CDKAL1: variants seen among roughly 807,000 people sequenced by gnomAD.
CDKAL1 encodes threonylcarbamoyladenosine tRNA methylthiotransferase.
A neutral mutation model predicts 68.2 loss-of-function variants in CDKAL1; 32 were observed. The observed-to-expected ratio is 0.47, with a 90% CI of 0.35 to 0.63. The LOEUF is 0.63. Among genes scored for constraint, CDKAL1 ranks in the 30% least tolerant of loss-of-function variants. The pLI is 0.00. For missense variants in CDKAL1, 606 were observed against 696.7 expected (o/e 0.87, Z 1.47); for synonymous variants, 234 against 244.3 (o/e 0.96, Z 0.39).
At chr6:21,068,156 T>C (rs1438303461) in intron 12 of CDKAL1, among the ~76,000 whole-genome samples, 1 of 152,216 alleles carries the variant, frequency 6.6e-6, no homozygotes, top group Non-Finnish European at 1.5e-5. Context: ...TCTTCTTCCA[T>C]TCTGTAACCT....
intron 11 of CDKAL1, among the ~76,000 whole-genome samples, chr6:21,042,379 G>A (rs566944300): frequency 1.3e-5 from 2 of 151,992 alleles, no homozygotes; most frequent in South Asian, 2.1e-4. Flanking sequence ...TGGATGTAAC[G>A]TGGTCCCTGC....
chr6:21,069,770 C>CTTTTTTTTTTTTTTTTTTTTTTTTTT lies in CDKAL1; in HGVS notation c.1236+4545_1236+4546insTTTTTTTTTTTTTTTTTTTTTTTTTT, dbSNP rs1771654458. 4.7e-5 allele frequency among the ~76,000 whole-genome samples: 2 copies of CTTTTTTTTTTTTTTTTTTTTTTTTTT among 42,254 alleles called. 1 individual carries two copies. Among genetic ancestry groups the CTTTTTTTTTTTTTTTTTTTTTTTTTT allele is most frequent in the Non-Finnish European group, 1.2e-4 (2 of 17,372 alleles). 27.7% of individuals were successfully genotyped at this position (42,254 alleles called of 152,430 possible). ...TGCCCAATAAAATCCCCCAGATTTT[C>CTTTTTTTTTTTTTTTTTTTTTTTTTT]TTTCTTTTTTTTTTTTTTTTTTTTT... On this transcript the variant is annotated intron_variant, in intron 12 of 15. Transcript: ENST00000274695.
intron 13 of CDKAL1, among the ~76,000 whole-genome samples, chr6:21,179,061 C>T (rs1562095510): frequency 6.6e-6 from 1 of 152,234 alleles, no homozygotes; most frequent in Non-Finnish European, 1.5e-5. Flanking sequence ...GTTATCTTTT[C>T]ACCTAGGACA....
At chr6:20,574,012 T>C (rs941422049) in intron 4 of CDKAL1, among the ~76,000 whole-genome samples, 2 of 152,206 alleles carry the variant, frequency 1.3e-5, no homozygotes. Flanking sequence ...AACACTGATA[T>C]GGTTAGTATT....
At chr6:21,103,778 G>C (rs1308815083) in intron 12 of CDKAL1, among the ~76,000 whole-genome samples, 3 of 152,148 alleles carry the variant, frequency 2.0e-5, no homozygotes, top group South Asian at 4.1e-4. Context: ...CACACAACTT[G>C]TTTAACATGT....
chr6:20,763,194 A>T (rs1469477036), intron 7 of CDKAL1, among the ~76,000 whole-genome samples: 1 of 152,122 alleles, frequency 6.6e-6, no homozygotes, highest in East Asian at 1.9e-4. Flanking sequence ...AGCTAAGAGT[A>T]TCCATTCCCG....
At chr6:20,968,185 G>T (rs1416389925) in intron 10 of CDKAL1, among the ~76,000 whole-genome samples, 1 of 149,996 alleles carries the variant, frequency 6.7e-6, no homozygotes, top group Non-Finnish European at 1.5e-5. Context: ...TTGGACCAGG[G>T]TCTCACTGTG....
intron 9 of CDKAL1, among the ~76,000 whole-genome samples, chr6:20,929,027 A>G (rs1413752164): frequency 4.6e-5 from 7 of 152,168 alleles, no homozygotes; most frequent in Non-Finnish European, 8.8e-5. Context: ...TATTAATTAC[A>G]TCTTCAAGTG....
chr6:20,824,588 AG>A (rs1256081937), intron 8 of CDKAL1, among the ~76,000 whole-genome samples: 2 of 152,170 alleles, frequency 1.3e-5, no homozygotes, highest in Non-Finnish European at 2.9e-5. Context: ...CCTGCTCCAT[AG>A]GGCAGCCTAC....
intron 4 of CDKAL1, among the ~76,000 whole-genome samples, chr6:20,562,554 C>T (rs1764308090): frequency 1.3e-5 from 2 of 152,072 alleles, no homozygotes; most frequent in South Asian, 4.1e-4. Context: ...GCCTGACCAA[C>T]ATGGTGAAAC....
At chr6:20,760,116 C>A (rs908718793) in intron 7 of CDKAL1, among the ~76,000 whole-genome samples, 4 of 151,394 alleles carry the variant, frequency 2.6e-5, no homozygotes, top group Admixed American at 1.3e-4. Context: ...ATACCTTAAT[C>A]TTTTTTTATT....
intron 5 of CDKAL1, among the ~76,000 whole-genome samples, chr6:20,732,781 C>T (rs189242826): frequency 3.3e-4 from 51 of 152,252 alleles, no homozygotes; most frequent in African/African-American, 1.1e-3. Flanking sequence ...TTTTCTCCAT[C>T]GTTTACTTTT....
At chr6:21,103,480 G>A (rs1367117244) in intron 12 of CDKAL1, among the ~76,000 whole-genome samples, 2 of 151,900 alleles carry the variant, frequency 1.3e-5, no homozygotes, top group Non-Finnish European at 2.9e-5. Flanking sequence ...CTTGGAGAGT[G>A]GAATATAAAA....
At chr6:20,866,088 A>G (rs1266982746) in intron 9 of CDKAL1, among the ~76,000 whole-genome samples, 1 of 152,184 alleles carries the variant, frequency 6.6e-6, no homozygotes, top group East Asian at 1.9e-4. Context: ...GAAAGAAAAA[A>G]TAAACCTACT....
intron 9 of CDKAL1, among the ~76,000 whole-genome samples, chr6:20,861,800 A>G (rs1759646035): frequency 1.3e-5 from 2 of 152,078 alleles, no homozygotes; most frequent in Non-Finnish European, 2.9e-5. Flanking sequence ...AGATCTGTCT[A>G]CCTTATTGGC....
At chr6:21,068,723 T>C (rs1171885292) in intron 12 of CDKAL1, among the ~76,000 whole-genome samples, 1 of 152,196 alleles carries the variant, frequency 6.6e-6, no homozygotes, top group African/African-American at 2.4e-5. Flanking sequence ...TTTGTTTTTG[T>C]AAATTTGTCA....
intron 4 of CDKAL1, among the ~76,000 whole-genome samples, chr6:20,568,746 AAAAAC>A (rs1764575925): frequency 2.5e-5 from 2 of 80,322 alleles, no homozygotes; most frequent in East Asian, 5.2e-4. Context: ...AAAAAAAAAA[AAAAAC>A]AAAAAAACAA....
chr6:21,224,397 C>T (rs771801031), intron 15 of CDKAL1, among the ~76,000 whole-genome samples: 4 of 152,146 alleles, frequency 2.6e-5, no homozygotes, highest in Non-Finnish European at 4.4e-5. Flanking sequence ...CGTGGTGACA[C>T]GCGCTACTCG....
intron 8 of CDKAL1, among the ~76,000 whole-genome samples, chr6:20,833,588 A>G (rs1230326124): frequency 6.6e-6 from 1 of 152,150 alleles, no homozygotes; most frequent in East Asian, 1.9e-4. Flanking sequence ...TATTCATAAT[A>G]CTGGAGGAAG....
Sources: gnomAD v4.1 joint callset for allele counts (sites outside exome capture counted in the v4.1 genomes callset) on GRCh38, gnomAD v4.1.1 for gene constraint, MANE v1.5 for transcripts, NCBI Gene and HGNC (gene_info 2026-07-23, HGNC 2026-07-21) for gene names.